PXN: variants seen among roughly 807,000 people sequenced by gnomAD.
The protein encoded by PXN is testicular tissue protein Li 134.
Under a neutral mutation model 103.6 loss-of-function variants are expected in PXN, and 61 were observed. That is an observed-to-expected ratio of 0.59 (90% CI 0.48 to 0.73). PXN has a LOEUF of 0.73. PXN is among the 30% of genes least tolerant of loss of function. PXN has a pLI of 0.00. For synonymous variants in PXN, 562 were observed against 607.8 expected, an observed-to-expected ratio of 0.92 and a Z score of 1.11; for missense variants, 1,274 against 1,460.3, an observed-to-expected ratio of 0.87 and a Z score of 2.08.
chr12:120,249,351 A>G (rs1215010319), intron 1 of PXN, among the ~76,000 whole-genome samples: 13 of 152,190 alleles, frequency 8.5e-5, no homozygotes, highest in African/African-American at 4.8e-5. Context: ...AGAATGGATC[A>G]GTCCAGAAGC....
chr12:120,237,125 A>G (rs1889203029), intron 1 of PXN, among the ~76,000 whole-genome samples: 1 of 131,192 alleles, frequency 7.6e-6, no homozygotes, highest in South Asian at 2.5e-4. Flanking sequence ...TTATGTATGT[A>G]CGTGTGTGTG....
At chr12:120,258,061 C>T (rs932665667) in intron 1 of PXN, among the ~76,000 whole-genome samples, 10 of 152,064 alleles carry the variant, frequency 6.6e-5, no homozygotes, top group Admixed American at 3.3e-4. Flanking sequence ...GGCGTGATGA[C>T]GCACGCCCAT....
chr12:120,220,476 C>T lies in PXN; in HGVS notation c.832-385G>A, dbSNP rs1479602548. Among the ~76,000 whole-genome samples, 2 of 152,196 alleles carry T rather than the reference C, an allele frequency of 1.3e-5. No homozygotes were observed. The highest frequency in any genetic ancestry group is 2.9e-5 in the Non-Finnish European group (2 of 68,032). On this transcript the variant is annotated intron_variant, in intron 6 of 14. Coordinates refer to ENST00000637617, the MANE Select transcript of PXN (RefSeq NM_001385981.1). This position sits in a 1 kb window ranked among gnomAD's most constrained non-coding sequence, Gnocchi z 6.1. ...ACCCGCCTCGGACACTGGCCCAACT[C>T]GGCCATGTCCCTCCGGACAATCCCA...
At chr12:120,241,618 G>A (rs888830058) in intron 1 of PXN, among the ~76,000 whole-genome samples, 3 of 152,240 alleles carry the variant, frequency 2.0e-5, no homozygotes, top group Non-Finnish European at 4.4e-5. Flanking sequence ...ACGAGGGGCA[G>A]AAGGCCCTGA....
chr12:120,213,882 G>A lies in PXN; in HGVS notation c.2939C>T (p.Ala980Val). Residue 980 changes from alanine to valine, a missense_variant, in exon 14 of 15, where the codon GCC (alanine) becomes GTC (valine). By Grantham distance (64) the Ala-to-Val change is moderately conservative. Coordinates refer to ENST00000637617, the MANE Select transcript of PXN (RefSeq NM_001385981.1). This position sits in a 1 kb window ranked among gnomAD's most constrained non-coding sequence, Gnocchi z 4.2. ...ARAILENYISALNTLWHPECF... is the reference protein window; with the variant it reads ...ARAILENYISVLNTLWHPECF... ...CTCAGGATGCCACAGCGTGTTGAGGGCTGAGATATAGTTCTCCAGGATGGC... is the reference window on the plus strand; with the variant it reads ...CTCAGGATGCCACAGCGTGTTGAGGACTGAGATATAGTTCTCCAGGATGGC... 1 of 1,611,482 alleles carries A rather than the reference G, an allele frequency of 6.2e-7. No homozygotes were observed. The highest frequency in any genetic ancestry group is 2.2e-5 in the East Asian group (1 of 44,808).
rs1439809906 is a variant in PXN at position 120,212,105 on chromosome 12, C to T, written c.*209G>A. 4 of 795,360 alleles carry T rather than the reference C, an allele frequency of 5.0e-6. No homozygotes were observed. The African/African-American group carries it at 5.1e-5, about 10-fold the overall frequency. 49.3% of individuals were successfully genotyped at this position (795,360 alleles called of 1,614,324 possible). ...AGAGTGGGCAGCCTAGGGAGAGCTA[C>T]AGGAGGGAGGAGGGGGCCCAGAGGC... is the stretch of plus-strand genomic sequence containing the variant. On this transcript the variant is annotated 3_prime_UTR_variant, in exon 15 of 15. Coordinates refer to ENST00000637617, the MANE Select transcript of PXN (RefSeq NM_001385981.1). The surrounding 1 kb of genome is among the most constrained non-coding windows in gnomAD (Gnocchi z 7.2).
intron 1 of PXN, among the ~76,000 whole-genome samples, chr12:120,248,990 A>G (rs547155933): frequency 2.8e-4 from 43 of 152,136 alleles, no homozygotes; most frequent in African/African-American, 8.7e-4. Flanking sequence ...TACAAAACTT[A>G]GTCAGATATG....
At chr12:120,236,247 G>T (rs1242514362) in intron 1 of PXN, among the ~76,000 whole-genome samples, 3 of 152,244 alleles carry the variant, frequency 2.0e-5, no homozygotes, top group Non-Finnish European at 2.9e-5. Context: ...ACCCTGACGT[G>T]CAATCTGCCA....
At position 120,213,724 on chromosome 12, in the gene PXN, C is replaced by A. The variant is rs1455751840; in HGVS notation, c.2979+118G>T. On this transcript the variant is annotated intron_variant, in intron 14 of 14. Coordinates refer to ENST00000637617, the MANE Select transcript of PXN (RefSeq NM_001385981.1). This position sits in a 1 kb window ranked among gnomAD's most constrained non-coding sequence, Gnocchi z 4.2. ...AGGAAGGAGATCCCCTGCCTGCTCC[C>A]CCAATTAATAACCCCAAATGAGGCC... The A allele has an allele frequency of 3.8e-5, 53 of 1,376,650 alleles. No individual in the cohort carries two copies. The East Asian group carries it at 1.3e-3, about 34-fold the overall frequency. The allele number at this position is 1,376,650 out of a possible 1,614,324, so 85.3% of individuals were successfully genotyped here.
chr12:120,248,492 T>TCACACACA (rs3221954), intron 1 of PXN, among the ~76,000 whole-genome samples: 1,679 of 127,900 alleles, frequency 0.013, 33 homozygotes, highest in African/African-American at 0.041. Context: ...CAGATGACTT[T>TCACACACA]CACACACACA....
chr12:120,233,224 C>T (rs562513493), intron 1 of PXN, among the ~76,000 whole-genome samples: 2 of 152,314 alleles, frequency 1.3e-5, no homozygotes, highest in East Asian at 3.9e-4. Flanking sequence ...ACACTTCACT[C>T]TTGCTTCTCC....
rs1015268939 is a variant in PXN, at chr12:120,211,636, G to A, written c.*678C>T. ...AGTCGGTACAGTGTCCAGGCACGCC[G>A]TCCCGGAGACGGAGGAAGTGACTAG... On this transcript the variant is annotated 3_prime_UTR_variant, in exon 15 of 15. Coordinates refer to ENST00000637617, the MANE Select transcript of PXN (RefSeq NM_001385981.1). 6 of 291,170 alleles carry A rather than the reference G, an allele frequency of 2.1e-5. No individual in the cohort carries two copies. The highest frequency in any genetic ancestry group is 3.5e-5 in the Non-Finnish European group (5 of 144,058). 18.0% of individuals were successfully genotyped at this position (291,170 alleles called of 1,614,324 possible). A position where few individuals can be genotyped will look rare whatever the true frequency, so the allele number is the denominator to read the frequency against.
rs908572340 is a variant in PXN at position 120,222,009 on chromosome 12, A to G, written c.696-251T>C. On this transcript the variant is annotated intron_variant, in intron 5 of 14. Transcript: ENST00000637617. The surrounding 1 kb of genome is among the most constrained non-coding windows in gnomAD (Gnocchi z 4.7). The stretch of plus-strand genomic sequence containing the variant: ...AAAGCTGGCCTGCGAAACAAGCCCA[A>G]GCGCCCTGTGTTTCCTCCACAACAC... Among the ~76,000 whole-genome samples, 9 of 152,146 alleles carry G rather than the reference A, an allele frequency of 5.9e-5. No individual in the cohort carries two copies. Among genetic ancestry groups the G allele is most frequent in the Non-Finnish European group, 1.3e-4 (9 of 68,022 alleles).
intron 1 of PXN, among the ~76,000 whole-genome samples, chr12:120,230,871 G>A (rs1358760492): frequency 6.6e-6 from 1 of 152,120 alleles, no homozygotes; most frequent in Non-Finnish European, 1.5e-5. Flanking sequence ...ACACTGACTA[G>A]GAACTCAGTC....
At chr12:120,250,602 A>G (rs1405966403) in intron 1 of PXN, among the ~76,000 whole-genome samples, 1 of 151,780 alleles carries the variant, frequency 6.6e-6, no homozygotes, top group Non-Finnish European at 1.5e-5. Context: ...CCACCAAGCC[A>G]CCTCCTCCCC....
At chr12:120,235,589 C>A (rs1448526221) in intron 1 of PXN, among the ~76,000 whole-genome samples, 1 of 152,128 alleles carries the variant, frequency 6.6e-6, no homozygotes, top group Non-Finnish European at 1.5e-5. Context: ...TCCCCAGAGC[C>A]CCCAGAGGAA....
At chr12:120,262,896 G>A (rs1176941038) in intron 1 of PXN, among the ~76,000 whole-genome samples, 1 of 152,220 alleles carries the variant, frequency 6.6e-6, no homozygotes, top group Admixed American at 6.5e-5. Context: ...GGGAAGGGCA[G>A]AACACGCTGT....
chr12:120,226,649 G>A (rs1303357812), intron 1 of PXN: 1 of 1,177,844 alleles, frequency 8.5e-7, no homozygotes, highest in Non-Finnish European at 1.1e-6. Flanking sequence ...TGGGAGCACA[G>A]ATCCCTAGGC....
intron 1 of PXN, among the ~76,000 whole-genome samples, chr12:120,246,635 G>A (rs1204724140): frequency 2.6e-5 from 4 of 151,648 alleles, no homozygotes; most frequent in Non-Finnish European, 4.4e-5. Context: ...CAGGCAGATC[G>A]TGAGATCAGG....
Sources: allele counts gnomAD v4.1 joint callset (sites outside exome capture counted in the v4.1 genomes callset), GRCh38; gene constraint gnomAD v4.1.1; non-coding constraint Gnocchi (gnomAD v3.1); transcripts MANE v1.5; gene names NCBI Gene and HGNC (gene_info 2026-07-23, HGNC 2026-07-21).